The following YWHAZ variants were observed in gnomAD, a reference collection of about 807,000 sequenced individuals.
The protein encoded by YWHAZ is tyrosine 3-monooxygenase/tryptophan 5-monooxygenase activation protein zeta.
For missense variants in YWHAZ, 79 were observed against 284.8 expected (o/e 0.28, Z 5.20); for synonymous variants, 87 against 103.6 (o/e 0.84, Z 0.97).
In YWHAZ at chr8:100,948,911, G is replaced by T. The variant is rs1258062798; in HGVS notation, c.-11-11C>A. On this transcript the variant is annotated splice_polypyrimidine_tract_variant and intron_variant, in intron 1 of 5. Coordinates refer to ENST00000395958, the MANE Select transcript of YWHAZ (RefSeq NM_145690.3). This position sits in a 1 kb window ranked among gnomAD's most constrained non-coding sequence, Gnocchi z 4.2. ...CCATGACTGGATGTTCTGCAGGGGG[G>T]AAAAAAGGAGTATTTAAAATTTTTC... is the stretch of plus-strand genomic sequence containing the variant. 1.3e-6 allele frequency: 2 copies of T among 1,548,712 alleles called. No homozygotes were observed. The highest frequency in any genetic ancestry group is 1.2e-5 in the South Asian group (1 of 84,326).
At chr8:100,923,048 T>C (rs1813138930) in intron 5 of YWHAZ, 1 of 152,212 alleles carries the variant, frequency 6.6e-6, no homozygotes, top group South Asian at 2.1e-4. Flanking sequence ...TCTTCAAGAT[T>C]TTCAGCACTA....
At chr8:100,934,318 C>T (rs1386988176) in intron 2 of YWHAZ, among the ~76,000 whole-genome samples, 1 of 135,982 alleles carries the variant, frequency 7.4e-6, no homozygotes, top group Non-Finnish European at 1.6e-5. Flanking sequence ...AGAGGGAGAC[C>T]CTATCTTTTT....
intron 2 of YWHAZ, among the ~76,000 whole-genome samples, chr8:100,928,763 C>T (rs528970309): frequency 5.3e-5 from 8 of 151,764 alleles, no homozygotes; most frequent in Non-Finnish European, 1.2e-4. Flanking sequence ...GGAACATATT[C>T]TCAGCCTCAA....
rs749603351 is a variant in YWHAZ at position 100,948,095 on chromosome 8, G to C, written c.294+501C>G. 6.5e-7 allele frequency: 1 copy of C among 1,534,550 alleles called. No homozygotes were observed. The highest frequency in any genetic ancestry group is 1.2e-5 in the South Asian group (1 of 83,866). On this transcript the variant is annotated intron_variant, in intron 2 of 5. Coordinates refer to ENST00000395958, the MANE Select transcript of YWHAZ (RefSeq NM_145690.3). The surrounding 1 kb of genome is among the most constrained non-coding windows in gnomAD (Gnocchi z 4.2). ...AATTTACCTTCAAGAATTCAATGCA[G>C]GAAGAGGTTTCATAGTTGTGACGCC...
chr8:100,928,787 C>T (rs753359354), intron 2 of YWHAZ, among the ~76,000 whole-genome samples: 11 of 151,402 alleles, frequency 7.3e-5, no homozygotes, highest in Non-Finnish European at 1.3e-4. Flanking sequence ...GGTGATATAC[C>T]TACTAGAAAG....
chr8:100,918,877 G>A lies in YWHAZ; in HGVS notation c.*1816C>T, dbSNP rs1384923888. ...ATTTTTGTTTGGTGTTTTCTGCAAA[G>A]TACTGAGGAAATATTTTGTAAAGTG... On this transcript the variant is annotated 3_prime_UTR_variant, in exon 6 of 6. Coordinates refer to ENST00000395958, the MANE Select transcript of YWHAZ (RefSeq NM_145690.3). 1 of 152,472 alleles carries A rather than the reference G, an allele frequency of 6.6e-6. No individual in the cohort carries two copies. The highest frequency in any genetic ancestry group is 1.5e-5 in the Non-Finnish European group (1 of 68,014). 9.4% of individuals were successfully genotyped at this position (152,472 alleles called of 1,614,324 possible). A position where few individuals can be genotyped will look rare whatever the true frequency, so the allele number is the denominator to read the frequency against.
In YWHAZ at chr8:100,918,005, A is replaced by T. The variant is rs1360395440; in HGVS notation, c.*2688T>A. The stretch of plus-strand genomic sequence containing the variant: ...CTAGTTCAGATGACTGATGCACATT[A>T]AATAGGCAAATGTGCCAAGTTTCAG... On this transcript the variant is annotated 3_prime_UTR_variant, in exon 6 of 6. Coordinates refer to ENST00000395958, the MANE Select transcript of YWHAZ (RefSeq NM_145690.3). The T allele has an allele frequency of 6.6e-6, 1 of 152,110 alleles. No individual in the cohort carries two copies. The highest frequency in any genetic ancestry group is 1.5e-5 in the Non-Finnish European group (1 of 68,004). The allele number at this position is 152,110 out of a possible 1,614,324, so 9.4% of individuals were successfully genotyped here. A position where few individuals can be genotyped will look rare whatever the true frequency, so the allele number is the denominator to read the frequency against.
At chr8:100,951,899 G>T in intron 1 of YWHAZ, 30 bp downstream of exon 1, 1 of 993,562 alleles carries the variant, frequency 1.0e-6, no homozygotes, top group Non-Finnish European at 1.2e-6. Context: ...GGGACAGGAA[G>T]CGAGGCGCGG....
chr8:100,951,051 C>A, intron 1 of YWHAZ: 1 of 571,442 alleles, frequency 1.7e-6, no homozygotes, highest in African/African-American at 2.0e-5. Context: ...CACACCTCCC[C>A]CGCCCGTTCA....
At chr8:100,950,560 CG>C (rs1810649387) in intron 1 of YWHAZ, 1 of 985,294 alleles carries the variant, frequency 1.0e-6, no homozygotes, top group Admixed American at 6.2e-5. Context: ...TTTGTCATGG[CG>C]GATCTGTGTC....
chr8:100,943,851 G>C (rs1277921556), intron 2 of YWHAZ, among the ~76,000 whole-genome samples: 1 of 152,058 alleles, frequency 6.6e-6, no homozygotes, highest in Non-Finnish European at 1.5e-5. Context: ...GCTGGGTGTG[G>C]TGGCGGGCAC....
chr8:100,945,355 G>A lies in YWHAZ; in HGVS notation c.294+3241C>T, dbSNP rs371604329. Among the ~76,000 whole-genome samples the A allele has an allele frequency of 4.6e-5, 7 of 152,226 alleles. No homozygotes were observed. The East Asian group carries it at 7.7e-4, about 17-fold the overall frequency. On this transcript the variant is annotated intron_variant, in intron 2 of 5. Transcript: ENST00000395958. ...CTAAAGAGCTCTTCAGAAAAACTCAGAACTTTGGAGATTAGCTGCTTTTTG... is the reference window on the plus strand; with the variant it reads ...CTAAAGAGCTCTTCAGAAAAACTCAAAACTTTGGAGATTAGCTGCTTTTTG...
rs1196653968 is a variant in YWHAZ at position 100,919,569 on chromosome 8, AC to A, written c.*1123del. ...TTGTTATGATAAATTTTGTGTTTAAACTTGGTAAGAGCCCATTAGCTGCCAA... is the reference window on the plus strand; with the variant it reads ...TTGTTATGATAAATTTTGTGTTTAAATTGGTAAGAGCCCATTAGCTGCCAA... On this transcript the variant is annotated 3_prime_UTR_variant, in exon 6 of 6. Coordinates refer to ENST00000395958, the MANE Select transcript of YWHAZ (RefSeq NM_145690.3). 1 of 152,366 alleles carries A rather than the reference AC, an allele frequency of 6.6e-6. No individual in the cohort carries two copies. The highest frequency in any genetic ancestry group is 1.5e-5 in the Non-Finnish European group (1 of 68,046). 9.4% of individuals were successfully genotyped at this position (152,366 alleles called of 1,614,324 possible). A position where few individuals can be genotyped will look rare whatever the true frequency, so the allele number is the denominator to read the frequency against.
In YWHAZ at chr8:100,918,049, ATATCACATCTCTACT is replaced by A. The variant is rs1812774665; in HGVS notation, c.*2629_*2643del. On this transcript the variant is annotated 3_prime_UTR_variant, in exon 6 of 6. Transcript: ENST00000395958. ...GTTTCAGGTTTTATTTACTTGAATA[ATATCACATCTCTACT>A]GGGCGCGGTGGCTTATGCCTGTAAT... is the stretch of plus-strand genomic sequence containing the variant. 1 of 152,074 alleles carries A rather than the reference ATATCACATCTCTACT, an allele frequency of 6.6e-6. No individual in the cohort carries two copies. Among genetic ancestry groups the A allele is most frequent in the South Asian group, 2.1e-4 (1 of 4,826 alleles). 9.4% of individuals were successfully genotyped at this position (152,074 alleles called of 1,614,324 possible).
At chr8:100,946,790 T>TA (rs1257866608) in intron 2 of YWHAZ, among the ~76,000 whole-genome samples, 2 of 147,318 alleles carry the variant, frequency 1.4e-5, no homozygotes, top group Admixed American at 6.8e-5. Context: ...GAAGCCAAAA[T>TA]AAAAACTTTT....
rs1269133080 is a variant in YWHAZ, at chr8:100,951,415, A to AGGAGGGGGCGGCCGAGGGAGAGG, written c.-12+491_-12+513dup. 8.9e-3 allele frequency: 8,682 copies of AGGAGGGGGCGGCCGAGGGAGAGG among 978,314 alleles called. 63 individuals are homozygous for AGGAGGGGGCGGCCGAGGGAGAGG. Among genetic ancestry groups the AGGAGGGGGCGGCCGAGGGAGAGG allele is most frequent in the Non-Finnish European group, 9.6e-3 (7,920 of 823,870 alleles). The allele number at this position is 978,314 out of a possible 1,614,324, so 60.6% of individuals were successfully genotyped here. ...CGGAGGCTGCGCGAGGGGGAGGGAA[A>AGGAGGGGGCGGCCGAGGGAGAGG]GGAGGGGGCGGCCGAGGGAGAGGGG... On this transcript the variant is annotated intron_variant, in intron 1 of 5. Coordinates refer to ENST00000395958, the MANE Select transcript of YWHAZ (RefSeq NM_145690.3).
intron 1 of YWHAZ, chr8:100,951,543 C>T (rs1724522429): frequency 1.0e-6 from 1 of 985,546 alleles, no homozygotes; most frequent in Non-Finnish European, 1.2e-6. Context: ...GGGTGGAAGC[C>T]CGCAGAGACA....
rs1043643191 is a variant in YWHAZ, at chr8:100,918,825, G to GA, written c.*1867dup. ...CTCTTGAGGAGCTTACATTCTAAAA[G>GA]AAAAAATACACCTTTTTTAAAATGG... On this transcript the variant is annotated 3_prime_UTR_variant, in exon 6 of 6. Transcript: ENST00000395958. 6.6e-6 allele frequency: 1 copy of GA among 152,408 alleles called. No individual in the cohort carries two copies. Among genetic ancestry groups the GA allele is most frequent in the African/African-American group, 2.4e-5 (1 of 41,374 alleles). 9.4% of individuals were successfully genotyped at this position (152,408 alleles called of 1,614,324 possible).
intron 2 of YWHAZ, among the ~76,000 whole-genome samples, chr8:100,936,360 G>A (rs182272598): frequency 6.6e-6 from 1 of 152,208 alleles, no homozygotes; most frequent in African/African-American, 2.4e-5. Context: ...GCACCATGGG[G>A]TGTGTTTTCA....
Sources: allele counts gnomAD v4.1 joint callset (sites outside exome capture counted in the v4.1 genomes callset), GRCh38; gene constraint gnomAD v4.1.1; non-coding constraint Gnocchi (gnomAD v3.1); transcripts MANE v1.5; gene names NCBI Gene and HGNC (gene_info 2026-07-23, HGNC 2026-07-21).